SLC35F4: variants seen among roughly 807,000 people sequenced by gnomAD.
SLC35F4 encodes chromosome 14 open reading frame 36.
In SLC35F4, 24 loss-of-function variants were observed where a neutral mutation model predicts 44.2. That is an observed-to-expected ratio of 0.54 (90% confidence interval 0.39 to 0.76). The LOEUF is 0.76. Ranked by LOEUF, SLC35F4 falls within the 30% of genes least tolerant of loss-of-function variation. The pLI is 0.00. For synonymous variants in SLC35F4, 238 were observed against 223.6 expected (o/e 1.06, Z -0.57); for missense variants, 562 against 586.1 (o/e 0.96, Z 0.42).
At chr14:57,926,603 C>G (rs1889575397) in intron 1 of SLC35F4, among the ~76,000 whole-genome samples, 1 of 151,846 alleles carries the variant, frequency 6.6e-6, no homozygotes, top group Admixed American at 6.6e-5. Flanking sequence ...CATGGTCTTG[C>G]ACACTGTAAG....
At chr14:57,761,799 A>G (rs191739875) in intron 1 of SLC35F4, among the ~76,000 whole-genome samples, 2 of 152,310 alleles carry the variant, frequency 1.3e-5, no homozygotes, top group Admixed American at 6.5e-5. Flanking sequence ...GGAGAATACA[A>G]TAACACAAAT....
chr14:57,940,404 GTTTTT>G (rs767501515), intron 1 of SLC35F4, among the ~76,000 whole-genome samples: 3 of 150,906 alleles, frequency 2.0e-5, no homozygotes, highest in Admixed American at 6.6e-5. Flanking sequence ...CCCTAAAATT[GTTTTT>G]TTTTAAGTTG....
chr14:57,737,647 G>A (rs566223592), intron 1 of SLC35F4, among the ~76,000 whole-genome samples: 1 of 152,304 alleles, frequency 6.6e-6, no homozygotes, highest in African/African-American at 2.4e-5. Context: ...CTCAGATTCT[G>A]ACATATCCTC....
At chr14:57,804,148 T>C (rs1246181976) in intron 1 of SLC35F4, among the ~76,000 whole-genome samples, 1 of 152,210 alleles carries the variant, frequency 6.6e-6, no homozygotes, top group Non-Finnish European at 1.5e-5. Context: ...AAACATTTCA[T>C]GCTTGTGGAT....
intron 1 of SLC35F4, among the ~76,000 whole-genome samples, chr14:57,839,288 G>T (rs761365547): frequency 2.0e-5 from 3 of 152,124 alleles, no homozygotes; most frequent in Non-Finnish European, 4.4e-5. Context: ...TCCTTCGGTT[G>T]CTCTTTATGT....
intron 1 of SLC35F4, among the ~76,000 whole-genome samples, chr14:57,738,934 G>A (rs2076536412): frequency 6.6e-6 from 1 of 151,280 alleles, no homozygotes; most frequent in African/African-American, 2.4e-5. Flanking sequence ...AGTTGTTCTG[G>A]ATAGCTATCC....
At chr14:57,761,902 G>C (rs893913232) in intron 1 of SLC35F4, among the ~76,000 whole-genome samples, 2 of 151,990 alleles carry the variant, frequency 1.3e-5, no homozygotes, top group African/African-American at 4.8e-5. Flanking sequence ...TAAAAAAAAA[G>C]ATGGAATTTG....
At chr14:57,916,560 A>G (rs1419407848) in intron 1 of SLC35F4, among the ~76,000 whole-genome samples, 4 of 152,108 alleles carry the variant, frequency 2.6e-5, no homozygotes, top group Non-Finnish European at 4.4e-5. Flanking sequence ...TATTGCTTCA[A>G]ATAATTCTTC....
chr14:57,896,986 T>C (rs1888886942), intron 1 of SLC35F4, among the ~76,000 whole-genome samples: 1 of 151,992 alleles, frequency 6.6e-6, no homozygotes, highest in African/African-American at 2.4e-5. Flanking sequence ...TTCAGTTATC[T>C]GGAAGATAAA....
At chr14:57,969,736 A>G (rs927195164) in intron 1 of SLC35F4, among the ~76,000 whole-genome samples, 1 of 152,212 alleles carries the variant, frequency 6.6e-6, no homozygotes, top group African/African-American at 2.4e-5. Flanking sequence ...GGTCTCAGAT[A>G]TGCTCATATT....
intron 1 of SLC35F4, among the ~76,000 whole-genome samples, chr14:57,979,314 T>G (rs148246727): frequency 6.6e-6 from 1 of 152,282 alleles, no homozygotes; most frequent in East Asian, 1.9e-4. Flanking sequence ...TACTCTATGA[T>G]AGATTGGACT....
intron 1 of SLC35F4, among the ~76,000 whole-genome samples, chr14:57,709,096 CT>C (rs759247060): frequency 1.1e-4 from 17 of 152,176 alleles, no homozygotes; most frequent in Non-Finnish European, 2.1e-4. Context: ...CTCCAGATAA[CT>C]GCGGGCAGGC....
chr14:57,846,199 C>A (rs1193011859), intron 1 of SLC35F4, among the ~76,000 whole-genome samples: 1 of 152,034 alleles, frequency 6.6e-6, no homozygotes, highest in Non-Finnish European at 1.5e-5. Flanking sequence ...GAAATAAGGC[C>A]CCCAAAAGAA....
intron 1 of SLC35F4, among the ~76,000 whole-genome samples, chr14:57,803,554 C>A (rs1880915465): frequency 1.3e-5 from 2 of 150,560 alleles, no homozygotes; most frequent in African/African-American, 4.9e-5. Flanking sequence ...ATCTAGAAAA[C>A]CCCATTGTCT....
intron 1 of SLC35F4, among the ~76,000 whole-genome samples, chr14:57,901,889 G>T (rs572999829): frequency 3.3e-5 from 5 of 152,206 alleles, no homozygotes; most frequent in African/African-American, 1.2e-4. Flanking sequence ...CTGATAAGAT[G>T]CAAAGCCAGA....
intron 1 of SLC35F4, among the ~76,000 whole-genome samples, chr14:57,786,908 A>T (rs1409273984): frequency 6.6e-6 from 1 of 152,192 alleles, no homozygotes; most frequent in Non-Finnish European, 1.5e-5. Flanking sequence ...ACCCAAACCA[A>T]GAAGAGATCC....
At chr14:57,962,886 C>T (rs552111439) in intron 1 of SLC35F4, among the ~76,000 whole-genome samples, 21 of 152,272 alleles carry the variant, frequency 1.4e-4, no homozygotes, top group South Asian at 4.1e-4. Flanking sequence ...ATTTAATGCA[C>T]GTCAATCCTG....
intron 1 of SLC35F4, among the ~76,000 whole-genome samples, chr14:57,980,986 T>G (rs1020676598): frequency 3.3e-5 from 5 of 152,052 alleles, no homozygotes; most frequent in Non-Finnish European, 7.4e-5. Context: ...GGAAGGATTC[T>G]CCTCTATTCC....
chr14:57,592,657 T>G (rs1473529795), intron 2 of SLC35F4, among the ~76,000 whole-genome samples: 1 of 152,192 alleles, frequency 6.6e-6, no homozygotes, highest in African/African-American at 2.4e-5. Flanking sequence ...GTTTTAGCCT[T>G]GGGGTTCACA....
Sources: gnomAD v4.1 joint callset for allele counts (sites outside exome capture counted in the v4.1 genomes callset) on GRCh38, gnomAD v4.1.1 for gene constraint, MANE v1.5 for transcripts, NCBI Gene and HGNC (gene_info 2026-07-23, HGNC 2026-07-21) for gene names.